PSMD8: variants seen among roughly 807,000 people sequenced by gnomAD.
The protein encoded by PSMD8 is 26S proteasome non-ATPase regulatory subunit 8.
In PSMD8, 30 loss-of-function variants were observed where a neutral mutation model predicts 40.0. The ratio of observed to expected loss-of-function variants is 0.75; its 90% CI spans 0.56 to 1.02. The LOEUF is 1.02. Among genes scored for constraint, PSMD8 ranks in the 50% least tolerant of loss-of-function variants. The pLI is 0.00. For synonymous variants in PSMD8, 208 were observed against 192.5 expected, an observed-to-expected ratio of 1.08 and a Z score of -0.67; for missense variants, 461 against 463.9, an observed-to-expected ratio of 0.99 and a Z score of 0.06.
At chr19:38,382,283 A>C in intron 6 of PSMD8, 55 bp downstream of exon 6, 1 of 1,393,110 alleles carries the variant, frequency 7.2e-7, no homozygotes, top group Non-Finnish European at 1.0e-6. Flanking sequence ...GTCACTAACA[A>C]CAGTGTGGGG....
intron 3 of PSMD8, among the ~76,000 whole-genome samples, chr19:38,378,615 G>T (rs1157642112): frequency 6.6e-6 from 1 of 151,094 alleles, no homozygotes; most frequent in Non-Finnish European, 1.5e-5. Flanking sequence ...AGTTGAGGCT[G>T]CAGTGAGCCT....
chr19:38,378,374 G>C (rs1970613679), intron 3 of PSMD8, among the ~76,000 whole-genome samples: 1 of 152,024 alleles, frequency 6.6e-6, no homozygotes, highest in Non-Finnish European at 1.5e-5. Flanking sequence ...CAGGTGTGGT[G>C]GTGGGCGCCT....
chr19:38,377,968 A>G (rs1301578093), intron 3 of PSMD8, among the ~76,000 whole-genome samples: 9 of 152,300 alleles, frequency 5.9e-5, no homozygotes, highest in Admixed American at 5.2e-4. Context: ...TATAGCTAAC[A>G]CTTTGTGTTT....
intron 3 of PSMD8, among the ~76,000 whole-genome samples, chr19:38,377,364 A>G (rs1242895411): frequency 1.3e-5 from 2 of 150,362 alleles, no homozygotes; most frequent in Non-Finnish European, 1.5e-5. Flanking sequence ...CTTTTATTTT[A>G]ATTTTTTGTA....
At position 38,375,077 on chromosome 19, in the gene PSMD8, G is replaced by A. The variant is rs1018289020; in HGVS notation, c.360+116G>A. Reference sequence around the variant, plus strand: ...CCACCTCGGTGCCAGCGAGACTGAGGCGGGCTGGGGGATCCGATGGGGTGA... The same window carrying A: ...CCACCTCGGTGCCAGCGAGACTGAGACGGGCTGGGGGATCCGATGGGGTGA... On this transcript the variant is annotated intron_variant, in intron 1 of 6. Transcript: ENST00000215071. 2.8e-6 allele frequency: 4 copies of A among 1,450,706 alleles called. No individual in the cohort carries two copies. The African/African-American group carries it at 5.7e-5, about 21-fold the overall frequency. 89.9% of individuals were successfully genotyped at this position (1,450,706 alleles called of 1,614,324 possible). A position where few individuals can be genotyped will look rare whatever the true frequency, so the allele number is the denominator to read the frequency against.
At position 38,374,582 on chromosome 19, in the gene PSMD8, G is replaced by A. The variant is rs1330857868; in HGVS notation, c.-20G>A. 2 of 1,445,726 alleles carry A rather than the reference G, an allele frequency of 1.4e-6. No homozygotes were observed. Among genetic ancestry groups the A allele is most frequent in the Non-Finnish European group, 1.8e-6 (2 of 1,102,906 alleles). 89.6% of individuals were successfully genotyped at this position (1,445,726 alleles called of 1,614,324 possible). A position where few individuals can be genotyped will look rare whatever the true frequency, so the allele number is the denominator to read the frequency against. On this transcript the variant is annotated 5_prime_UTR_variant, in exon 1 of 7. Coordinates refer to ENST00000215071, the MANE Select transcript of PSMD8 (RefSeq NM_002812.5). Reference sequence around the variant, plus strand: ...CCGGTCACCATCTTGAGTGACGACAGAGGCGGAGCTCCAACTGACATGTTC... The same window carrying A: ...CCGGTCACCATCTTGAGTGACGACAAAGGCGGAGCTCCAACTGACATGTTC...
At position 38,383,747 on chromosome 19, in the gene PSMD8, A is replaced by G; in HGVS notation, c.*357A>G. ...TAGGAATGCTGGACCAGGGTACCAG[A>G]TTTTTTCAACAAAGGGGGTGAAGTG... On this transcript the variant is annotated 3_prime_UTR_variant, in exon 7 of 7. Transcript: ENST00000215071. 1 of 258,410 alleles carries G rather than the reference A, an allele frequency of 3.9e-6. No homozygotes were observed. The allele number at this position is 258,410 out of a possible 1,614,324, so 16.0% of individuals were successfully genotyped here. A position where few individuals can be genotyped will look rare whatever the true frequency, so the allele number is the denominator to read the frequency against.
In PSMD8 at chr19:38,383,583, C is replaced by A; in HGVS notation, c.*193C>A. 1.4e-6 allele frequency: 1 copy of A among 726,762 alleles called. No individual in the cohort carries two copies. The allele number at this position is 726,762 out of a possible 1,614,324, so 45.0% of individuals were successfully genotyped here. Reference sequence around the variant, plus strand: ...GCATTCAGGAGTTGGAGATAGCCTCCAACTGGGTCAGCCTCTGTCTGGTGG... The same window carrying A: ...GCATTCAGGAGTTGGAGATAGCCTCAAACTGGGTCAGCCTCTGTCTGGTGG... On this transcript the variant is annotated 3_prime_UTR_variant, in exon 7 of 7. Transcript: ENST00000215071.
At chr19:38,375,046 C>T (rs1970586639) in intron 1 of PSMD8, 85 bp downstream of exon 1, 1 of 1,505,442 alleles carries the variant, frequency 6.6e-7, no homozygotes, top group African/African-American at 1.4e-5. Context: ...TCCCGGGCCG[C>T]GGAAGCCACC....
intron 1 of PSMD8, among the ~76,000 whole-genome samples, 173 bp from the exon 2 acceptor site, chr19:38,375,987 A>G (rs1970594320): frequency 6.6e-6 from 1 of 152,200 alleles, no homozygotes; most frequent in African/African-American, 2.4e-5. Flanking sequence ...TTAAATGGGC[A>G]TGTGTTGCGT....
intron 4 of PSMD8, 26 bp downstream of exon 4, chr19:38,379,431 ACC>A: frequency 6.2e-7 from 1 of 1,611,940 alleles, no homozygotes; most frequent in Non-Finnish European, 8.5e-7. Flanking sequence ...GCAGGGGAGG[ACC>A]TGGCCAAAGT....
intron 3 of PSMD8, among the ~76,000 whole-genome samples, chr19:38,378,401 G>A (rs879509174): frequency 7.9e-5 from 12 of 151,856 alleles, no homozygotes; most frequent in Admixed American, 2.6e-4. Flanking sequence ...CCAGCTACTC[G>A]GGAGGCTGAG....
chr19:38,380,725 T>TGTGTGCGCGCGCGCGTGCGCGC (rs1555743514), intron 4 of PSMD8, among the ~76,000 whole-genome samples, 174 bp from the exon 5 acceptor site: 2 of 150,320 alleles, frequency 1.3e-5, no homozygotes, highest in Non-Finnish European at 3.0e-5. Context: ...TGTGTGTGTG[T>TGTGTGCGCGCGCGCGTGCGCGC]GTGTGCGCAT....
chr19:38,382,468 CTG>C, intron 6 of PSMD8: 1 of 564,178 alleles, frequency 1.8e-6, no homozygotes, highest in Non-Finnish European at 3.1e-6. Flanking sequence ...CGCATGTTGG[CTG>C]CTGTCTTTAT....
chr19:38,381,120 C>T (rs891830398), intron 5 of PSMD8, 121 bp downstream of exon 5: 1 of 707,806 alleles, frequency 1.4e-6, no homozygotes, highest in African/African-American at 1.8e-5. Flanking sequence ...TGTTTCTTAT[C>T]CTCCTAGCAC....
intron 3 of PSMD8, among the ~76,000 whole-genome samples, chr19:38,376,994 G>T (rs1420604402): frequency 2.6e-5 from 4 of 152,184 alleles, no homozygotes; most frequent in African/African-American, 9.7e-5. Context: ...CTACCACAGG[G>T]CCAGGCCCAG....
intron 6 of PSMD8, 54 bp downstream of exon 6, chr19:38,382,282 A>G (rs1970647307): frequency 7.1e-7 from 1 of 1,402,024 alleles, no homozygotes; most frequent in Non-Finnish European, 9.9e-7. Context: ...AGTCACTAAC[A>G]ACAGTGTGGG....
intron 3 of PSMD8, among the ~76,000 whole-genome samples, chr19:38,377,540 A>G (rs1346052997): frequency 2.6e-5 from 4 of 151,248 alleles, no homozygotes; most frequent in Non-Finnish European, 4.4e-5. Flanking sequence ...CTTGTTGCCC[A>G]GGCTGGAGTG....
Position 38,381,048 on chromosome 19 carries a change from G to A in PSMD8, c.803+49G>A, listed in dbSNP as rs376689197. On this transcript the variant is annotated intron_variant, in intron 5 of 6. Transcript: ENST00000215071. ...TGGAGTTTGGAAAGAACTTGGGCTT[G>A]AGTCGGACAGCTCCGAGTCTGAATC... 1,660 of 1,388,158 alleles carry A rather than the reference G, an allele frequency of 1.2e-3. 29 individuals carry two copies. The South Asian group carries it at 0.019, about 16-fold the overall frequency. 86.0% of individuals were successfully genotyped at this position (1,388,158 alleles called of 1,614,324 possible).
Sources: allele counts gnomAD v4.1 joint callset (sites outside exome capture counted in the v4.1 genomes callset), GRCh38; gene constraint gnomAD v4.1.1; transcripts MANE v1.5; gene names NCBI Gene and HGNC (gene_info 2026-07-23, HGNC 2026-07-21).